The following OLFM2 variants were observed in gnomAD, a reference collection of about 807,000 sequenced individuals.
OLFM2 encodes the protein noelin-2.
A neutral mutation model predicts 43.9 loss-of-function variants in OLFM2; 20 were observed. The ratio of observed to expected loss-of-function variants is 0.46; its 90% CI spans 0.32 to 0.66. The LOEUF (loss-of-function observed/expected upper bound fraction) is 0.66, where lower values mean the gene tolerates loss of function less well. OLFM2 is among the 30% of genes least tolerant of loss of function. OLFM2 has a pLI of 0.04. For synonymous variants in OLFM2, 268 were observed against 278.6 expected (o/e 0.96, Z 0.38); for missense variants, 416 against 643.6 (o/e 0.65, Z 3.83).
At chr19:9,885,924 C>T (rs2046582469) in intron 1 of OLFM2, among the ~76,000 whole-genome samples, 1 of 151,960 alleles carries the variant, frequency 6.6e-6, no homozygotes, top group African/African-American at 2.4e-5. Flanking sequence ...CAGCAAGACC[C>T]TGTCTCTACA....
chr19:9,859,122 G>C (rs564223530), intron 2 of OLFM2, among the ~76,000 whole-genome samples: 2 of 152,272 alleles, frequency 1.3e-5, no homozygotes, highest in East Asian at 3.9e-4. Context: ...AGACTTTCCT[G>C]TACAATTATT....
chr19:9,931,152 T>C (rs115714435), intron 1 of OLFM2, among the ~76,000 whole-genome samples: 4,467 of 152,320 alleles, frequency 0.029, 211 homozygotes, highest in African/African-American at 0.1. Context: ...CTGGGACATT[T>C]ACATGCTCTA....
intron 1 of OLFM2, among the ~76,000 whole-genome samples, chr19:9,905,284 C>T (rs1270166398): frequency 2.0e-5 from 3 of 151,984 alleles, no homozygotes; most frequent in Admixed American, 1.3e-4. Flanking sequence ...GGTGAAACCC[C>T]GTCTCTACGA....
intron 1 of OLFM2, among the ~76,000 whole-genome samples, chr19:9,905,517 T>C (rs140185607): frequency 0.1 from 15,489 of 151,472 alleles, 854 homozygotes; most frequent in Non-Finnish European, 0.12. Context: ...GGCAGGTGCC[T>C]GTAGTTCCAG....
chr19:9,911,477 T>C (rs2046826818), intron 1 of OLFM2, among the ~76,000 whole-genome samples: 1 of 151,944 alleles, frequency 6.6e-6, no homozygotes, highest in South Asian at 2.1e-4. Flanking sequence ...TCAGGTCTGT[T>C]TGGGCACACA....
intron 1 of OLFM2, among the ~76,000 whole-genome samples, chr19:9,902,954 G>A (rs891914259): frequency 4.6e-5 from 7 of 150,750 alleles, no homozygotes; most frequent in African/African-American, 7.4e-5. Context: ...CTGGGACCAC[G>A]GGCGGGTACC....
chr19:9,856,162 G>C lies in OLFM2; in HGVS notation c.687+645C>G. Among the ~76,000 whole-genome samples, 1 of 152,088 alleles carries C rather than the reference G, an allele frequency of 6.6e-6. No homozygotes were observed. The highest frequency in any genetic ancestry group is 1.9e-4 in the East Asian group (1 of 5,172). On this transcript the variant is annotated intron_variant, in intron 5 of 5. Transcript: ENST00000264833. The surrounding 1 kb of genome is among the most constrained non-coding windows in gnomAD (Gnocchi z 4.0). The stretch of plus-strand genomic sequence containing the variant: ...TGCCCAGGCTGCAGTGCAATGGTGC[G>C]ATCTTGGCTCACTGCAACCTCTGCC...
At chr19:9,924,806 T>C (rs2086442704) in intron 1 of OLFM2, among the ~76,000 whole-genome samples, 1 of 152,060 alleles carries the variant, frequency 6.6e-6, no homozygotes, top group African/African-American at 2.4e-5. Flanking sequence ...AAAGACGTGT[T>C]ACAGAAGCTT....
chr19:9,858,038 A>G (rs998288476), intron 2 of OLFM2, 177 bp from the exon 3 acceptor site: 24 of 738,868 alleles, frequency 3.2e-5, no homozygotes, highest in Non-Finnish European at 5.1e-5. Flanking sequence ...CCATCCATCC[A>G]TCGCTCCCTC....
chr19:9,859,664 G>C (rs2046351917), intron 2 of OLFM2, among the ~76,000 whole-genome samples: 1 of 152,186 alleles, frequency 6.6e-6, no homozygotes, highest in Non-Finnish European at 1.5e-5. Context: ...TGAGGTGGAG[G>C]GTTAGACCCT....
chr19:9,867,052 C>A (rs1248958646), intron 1 of OLFM2, among the ~76,000 whole-genome samples: 3 of 152,232 alleles, frequency 2.0e-5, no homozygotes, highest in Non-Finnish European at 4.4e-5. Flanking sequence ...TCCTACTACT[C>A]CACCACCTAT....
At chr19:9,913,577 G>A (rs1415086219) in intron 1 of OLFM2, 1 of 1,288,368 alleles carries the variant, frequency 7.8e-7, no homozygotes. Flanking sequence ...CATGGCCATG[G>A]TGCTCAGCAC....
intron 1 of OLFM2, among the ~76,000 whole-genome samples, chr19:9,904,078 T>C (rs1202761672): frequency 3.3e-5 from 5 of 151,682 alleles, no homozygotes; most frequent in Non-Finnish European, 7.4e-5. Context: ...ACACTGAGGG[T>C]TGCATCATCA....
Position 9,904,730 on chromosome 19 carries a change from G to A in OLFM2, c.63+31574C>T, listed in dbSNP as rs536297235. Among the ~76,000 whole-genome samples, 198 of 152,144 alleles carry A rather than the reference G, an allele frequency of 1.3e-3. No homozygotes were observed. The Middle Eastern group carries it at 0.024, about 18-fold the overall frequency. ...AAAAGCAACTATTATATCAAGAGTT[G>A]GAATTCTGGCCAGGCATGGTGGCTC... On this transcript the variant is annotated intron_variant, in intron 1 of 5. Transcript: ENST00000264833.
At chr19:9,918,751 A>G (rs1426718023) in intron 1 of OLFM2, among the ~76,000 whole-genome samples, 1 of 152,182 alleles carries the variant, frequency 6.6e-6, no homozygotes, top group Non-Finnish European at 1.5e-5. Context: ...TGCTAAGTAA[A>G]AGGAGCCAGA....
chr19:9,888,317 G>A (rs1175337939), intron 1 of OLFM2, among the ~76,000 whole-genome samples: 1 of 151,924 alleles, frequency 6.6e-6, no homozygotes, highest in Non-Finnish European at 1.5e-5. Flanking sequence ...GAGGTCGGGA[G>A]TTCGAGACCA....
At chr19:9,880,676 TAAG>T (rs1188603956) in intron 1 of OLFM2, among the ~76,000 whole-genome samples, 1 of 151,964 alleles carries the variant, frequency 6.6e-6, no homozygotes, top group Non-Finnish European at 1.5e-5. Context: ...GAAGATACAG[TAAG>T]AAGGTGGCCA....
rs573844364 is a variant in OLFM2 at position 9,879,801 on chromosome 19, G to A, written c.64-19007C>T. 1.5e-3 allele frequency among the ~76,000 whole-genome samples: 223 copies of A among 151,704 alleles called. 1 individual carries two copies. The highest frequency in any genetic ancestry group is 1.7e-3 in the Non-Finnish European group (118 of 67,902). The stretch of plus-strand genomic sequence containing the variant: ...GAACTCTTTTTTGTCTTTTGAGGTG[G>A]AGTCTCACTCTGTCACCCAGGCTAG... On this transcript the variant is annotated intron_variant, in intron 1 of 5. Coordinates refer to ENST00000264833, the MANE Select transcript of OLFM2 (RefSeq NM_058164.4).
chr19:9,879,218 C>T (rs890776515), intron 1 of OLFM2, among the ~76,000 whole-genome samples: 1 of 152,142 alleles, frequency 6.6e-6, no homozygotes, highest in African/African-American at 2.4e-5. Context: ...TTGCAACCTC[C>T]GCCTCCCGGG....
Sources: allele counts gnomAD v4.1 joint callset (sites outside exome capture counted in the v4.1 genomes callset), GRCh38; gene constraint gnomAD v4.1.1; non-coding constraint Gnocchi (gnomAD v3.1); transcripts MANE v1.5; gene names NCBI Gene and HGNC (gene_info 2026-07-23, HGNC 2026-07-21).